Variants in SLC38A8 observed in about 807,000 individuals in gnomAD.
SLC38A8 encodes the protein amino acid transporter SLC38A8.
A neutral mutation model predicts 46.0 loss-of-function variants in SLC38A8; 65 were observed. The ratio of observed to expected loss-of-function variants is 1.41; its 90% CI spans 1.16 to 1.74. The LOEUF is 1.74. SLC38A8 is among the 40% of genes most tolerant of loss of function. The probability of loss-of-function intolerance (pLI) is 0.00; values close to 1 mark genes in which losing one functional copy is unlikely to be tolerated. For synonymous variants in SLC38A8, 447 were observed against 243.7 expected (o/e 1.83, Z -7.77); for missense variants, 998 against 567.9 (o/e 1.76, Z -7.70).
intron 5 of SLC38A8, among the ~76,000 whole-genome samples, chr16:84,030,088 G>A (rs544750697): frequency 6.6e-6 from 1 of 152,324 alleles, no homozygotes; most frequent in African/African-American, 2.4e-5. Context: ...GGATTAGGGT[G>A]AGCCTGAATC....
chr16:84,019,068 A>G (rs547986962), intron 7 of SLC38A8, among the ~76,000 whole-genome samples: 1 of 151,924 alleles, frequency 6.6e-6, no homozygotes, highest in African/African-American at 2.4e-5. Context: ...CTGAAACTAC[A>G]ATTTCTCCAA....
chr16:84,013,586 A>C (rs1314511059), intron 9 of SLC38A8, among the ~76,000 whole-genome samples: 1 of 151,448 alleles, frequency 6.6e-6, no homozygotes, highest in East Asian at 1.9e-4. Flanking sequence ...GCGTGCCACC[A>C]CACCCCGCTC....
At position 84,016,731 on chromosome 16, in the gene SLC38A8, G is replaced by T. The variant is rs200390359; in HGVS notation, c.954-4C>A. The T allele has an allele frequency of 6.2e-7, 1 of 1,610,898 alleles. No individual in the cohort carries two copies. The highest frequency in any genetic ancestry group is 1.7e-5 in the Admixed American group (1 of 59,960). On this transcript the variant is annotated splice_region_variant and splice_polypyrimidine_tract_variant and intron_variant, in intron 8 of 10. Coordinates refer to ENST00000299709, the MANE Select transcript of SLC38A8 (RefSeq NM_001080442.3). ...CCAGAAGTCCTGCATCACTGACCTG[G>T]AGGCCACAGCCAACACAGACACATG...
chr16:84,032,376 AC>A (rs2085251499), intron 4 of SLC38A8, among the ~76,000 whole-genome samples: 1 of 152,156 alleles, frequency 6.6e-6, no homozygotes, highest in Non-Finnish European at 1.5e-5. Flanking sequence ...TTTAGTAGAG[AC>A]AGGGTTTCAC....
At chr16:84,042,287 G>C in intron 1 of SLC38A8, 128 bp from the exon 2 acceptor site, 1 of 989,780 alleles carries the variant, frequency 1.0e-6, no homozygotes, top group Non-Finnish European at 1.4e-6. Context: ...CTTCCTTGGC[G>C]TCAGCTCCCC....
intron 2 of SLC38A8, among the ~76,000 whole-genome samples, chr16:84,040,429 C>T (rs2085354891): frequency 6.6e-6 from 1 of 152,204 alleles, no homozygotes; most frequent in Non-Finnish European, 1.5e-5. Flanking sequence ...GTCTCAGGCC[C>T]ACCCAGCCCT....
chr16:84,043,026 G>C (rs1385841221), upstream of SLC38A8, among the ~76,000 whole-genome samples: 1 of 152,118 alleles, frequency 6.6e-6, no homozygotes, highest in Non-Finnish European at 1.5e-5. Context: ...AACGGAGGGG[G>C]CGTGAAAAGT....
intron 2 of SLC38A8, among the ~76,000 whole-genome samples, chr16:84,037,154 C>A (rs1329683405): frequency 6.6e-6 from 1 of 152,214 alleles, no homozygotes; most frequent in Non-Finnish European, 1.5e-5. Context: ...ACCTGGGAAT[C>A]TGACACCATC....
intron 2 of SLC38A8, chr16:84,041,500 A>G (rs2085366676): frequency 1.3e-5 from 2 of 152,944 alleles, no homozygotes; most frequent in South Asian, 2.1e-4. Flanking sequence ...TCCAGTAGAG[A>G]CAGGGTTTCA....
At chr16:84,034,156 C>T (rs1198973534) in intron 3 of SLC38A8, among the ~76,000 whole-genome samples, 1 of 152,218 alleles carries the variant, frequency 6.6e-6, no homozygotes, top group African/African-American at 2.4e-5. Context: ...CCACATGGGC[C>T]ACCTAGCAGG....
Position 84,017,306 on chromosome 16 carries a change from G to T in SLC38A8, c.806-19C>A, listed in dbSNP as rs781006650. On this transcript the variant is annotated intron_variant, in intron 7 of 10. Coordinates refer to ENST00000299709, the MANE Select transcript of SLC38A8 (RefSeq NM_001080442.3). ...TAAACCCCTGAAGGTGGGAAAGGAT[G>T]GAAGCCACAGAGTGGATTAGGAAAA... 6.2e-6 allele frequency: 10 copies of T among 1,613,582 alleles called. No homozygotes were observed. The highest frequency in any genetic ancestry group is 3.3e-5 in the Admixed American group (2 of 59,976).
At chr16:84,020,574 C>T (rs2085083663) in intron 7 of SLC38A8, among the ~76,000 whole-genome samples, 2 of 152,194 alleles carry the variant, frequency 1.3e-5, no homozygotes, top group Non-Finnish European at 2.9e-5. Context: ...TCTGGGGCTG[C>T]AGCACGAGCC....
intron 7 of SLC38A8, among the ~76,000 whole-genome samples, chr16:84,017,870 G>C (rs1256610602): frequency 6.6e-6 from 1 of 152,116 alleles, no homozygotes. Flanking sequence ...CCCTTTCTGA[G>C]AGGTCCCATG....
chr16:84,036,781 C>A lies in SLC38A8; in HGVS notation c.309G>T (p.Leu103=), dbSNP rs768450962. 8 of 1,614,220 alleles carry A rather than the reference C, an allele frequency of 5.0e-6. No homozygotes were observed. The highest frequency in any genetic ancestry group is 2.2e-5 in the South Asian group (2 of 91,086). The change falls in exon 3 of 11, where the codon CTG becomes CTT. Residue 103 remains leucine, a synonymous_variant. Coordinates refer to ENST00000299709, the MANE Select transcript of SLC38A8 (RefSeq NM_001080442.3). ...GGTTGAGGAGGAAGCAGGCCTCACA[C>A]AGCTTCCCAATGGCAGGGCCACACA... ...RGLCGPAIGK[L]CEACFLLNLL... is the part of the protein sequence containing the mutation.
At chr16:84,029,047 C>T (rs1432109827) in intron 6 of SLC38A8, among the ~76,000 whole-genome samples, 1 of 152,144 alleles carries the variant, frequency 6.6e-6, no homozygotes, top group East Asian at 1.9e-4. Context: ...ACCCTGTACC[C>T]CTCAGGAGGC....
chr16:84,012,115 C>T (rs1184677611), intron 10 of SLC38A8, among the ~76,000 whole-genome samples: 1 of 152,192 alleles, frequency 6.6e-6, no homozygotes, highest in Non-Finnish European at 1.5e-5. Flanking sequence ...TAAGCCTCCC[C>T]ACCATGCCCC....
intron 7 of SLC38A8, among the ~76,000 whole-genome samples, chr16:84,018,582 C>G (rs978626139): frequency 6.6e-6 from 1 of 152,036 alleles, no homozygotes; most frequent in Non-Finnish European, 1.5e-5. Context: ...GTCCATTAAC[C>G]CATTAATCCA....
At chr16:84,012,341 C>T (rs574766279) in intron 10 of SLC38A8, among the ~76,000 whole-genome samples, 7 of 152,148 alleles carry the variant, frequency 4.6e-5, no homozygotes, top group Non-Finnish European at 8.8e-5. Context: ...GAGGCTCAGT[C>T]GTGTCTGATC....
chr16:84,022,728 T>C lies in SLC38A8; in HGVS notation c.805+47A>G, dbSNP rs1481123455. On this transcript the variant is annotated intron_variant, in intron 7 of 10. Transcript: ENST00000299709. ...AGATACTCGCTGTTACTCTTGTTTC[T>C]ACTGTCACTCCCCACCCTCTGCAGG... is the stretch of plus-strand genomic sequence containing the variant. 4.1e-6 allele frequency: 6 copies of C among 1,471,036 alleles called. No individual in the cohort carries two copies. In the Admixed American group the frequency reaches 5.1e-5, roughly 13 times the overall value. The allele number at this position is 1,471,036 out of a possible 1,614,324, so 91.1% of individuals were successfully genotyped here. A position where few individuals can be genotyped will look rare whatever the true frequency, so the allele number is the denominator to read the frequency against.
Sources: allele counts gnomAD v4.1 joint callset (sites outside exome capture counted in the v4.1 genomes callset), GRCh38; gene constraint gnomAD v4.1.1; transcripts MANE v1.5; gene names NCBI Gene and HGNC (gene_info 2026-07-23, HGNC 2026-07-21).